The following ANK2 variants were observed in gnomAD, a reference collection of about 807,000 sequenced individuals.
The protein encoded by ANK2 is ankyrin 2.
ANK2 carries 83 observed loss-of-function variants against 360.5 expected under a neutral mutation model. The observed-to-expected ratio is 0.23, with a 90% CI of 0.19 to 0.28. The LOEUF (loss-of-function observed/expected upper bound fraction) is 0.28. Ranked by LOEUF, ANK2 falls within the 10% of genes least tolerant of loss-of-function variation. ANK2 has a pLI of 1.00. For synonymous variants in ANK2, 1,740 were observed against 1,759.5 expected, an observed-to-expected ratio of 0.99 and a Z score of 0.28; for missense variants, 4,201 against 4,795.7, an observed-to-expected ratio of 0.88 and a Z score of 3.66.
chr4:113,381,522 T>TTG lies in ANK2; in HGVS notation c.*52_*53dup, dbSNP rs773932179. 1.9e-6 allele frequency: 3 copies of TTG among 1,613,922 alleles called. No individual in the cohort carries two copies. In the South Asian group the frequency reaches 3.3e-5, roughly 18 times the overall value. Reference sequence around the variant, plus strand: ...GTGAAGGACCAGCATGGAAAACGCATTGACTTGGAGCACCTGGAGGATGTA... The same window carrying TTG: ...GTGAAGGACCAGCATGGAAAACGCATTGTGACTTGGAGCACCTGGAGGATGTA... On this transcript the variant is annotated 3_prime_UTR_variant, in exon 46 of 46. Transcript: ENST00000357077.
At position 113,043,071 on chromosome 4, in the gene ANK2, C is replaced by A. The variant is rs1364982218; in HGVS notation, c.22-131345C>A. Among the ~76,000 whole-genome samples, 25 of 151,994 alleles carry A rather than the reference C, an allele frequency of 1.6e-4. 1 individual carries two copies. The highest frequency in any genetic ancestry group is 1.3e-3 in the Admixed American group (20 of 15,236). ...GTCCAGCATATAGTAGTCAGTGACC[C>A]CCCAAATATCTGTTGGATGAATAAA... On this transcript the variant is annotated intron_variant, in intron 2 of 30. Coordinates refer to the ANK2 transcript ENST00000503271.
At chr4:113,224,876 G>GTTTTTTTTTTT (rs11325379) in intron 4 of ANK2, among the ~76,000 whole-genome samples, 1 of 133,244 alleles carries the variant, frequency 7.5e-6, no homozygotes. Context: ...GATCTTTGAA[G>GTTTTTTTTTTT]TTTTTTTTTT....
In ANK2 at chr4:113,035,884, G is replaced by A. The variant is rs112903450; in HGVS notation, c.21+131370G>A. Among the ~76,000 whole-genome samples, 874 of 151,998 alleles carry A rather than the reference G, an allele frequency of 5.8e-3. 11 individuals carry two copies. Among genetic ancestry groups the A allele is most frequent in the African/African-American group, 0.02 (828 of 41,510 alleles). On this transcript the variant is annotated intron_variant, in intron 2 of 30. Coordinates refer to the ANK2 transcript ENST00000503271. ...AGAGGAGAGGGAAAAGTTAATAGAC[G>A]TTCAAACATAGATTTTAAAATTTTC...
intron 14 of ANK2, among the ~76,000 whole-genome samples, chr4:113,272,632 T>A (rs997418184): frequency 1.3e-5 from 2 of 152,110 alleles, no homozygotes; most frequent in South Asian, 4.1e-4. Flanking sequence ...CTTTTTTTTT[T>A]AAAGAAGAAC....
chr4:113,121,520 C>G (rs546142256), intron 1 of ANK2, among the ~76,000 whole-genome samples: 1 of 152,090 alleles, frequency 6.6e-6, no homozygotes, highest in Admixed American at 6.6e-5. Flanking sequence ...CAAAATTGCA[C>G]CAAAATATTT....
chr4:113,190,453 A>G (rs929304975), intron 2 of ANK2, among the ~76,000 whole-genome samples: 1 of 151,650 alleles, frequency 6.6e-6, no homozygotes, highest in African/African-American at 2.4e-5. Context: ...ATTTGACACC[A>G]TAACATTCTA....
chr4:112,730,305 A>G, the ANK2 span, among the ~76,000 whole-genome samples: 1 of 150,038 alleles, frequency 6.7e-6, no homozygotes. Context: ...CCTATTGAAC[A>G]TCATGGTGAA....
intron 2 of ANK2, among the ~76,000 whole-genome samples, chr4:112,968,466 G>A (rs902698129): frequency 7.2e-5 from 11 of 152,184 alleles, no homozygotes; most frequent in African/African-American, 2.4e-4. Context: ...GGAACTCTGG[G>A]CCAGATTTTT....
chr4:113,171,621 A>G (rs1281904368), intron 1 of ANK2, among the ~76,000 whole-genome samples: 2 of 152,234 alleles, frequency 1.3e-5, no homozygotes, highest in African/African-American at 4.8e-5. Flanking sequence ...GGTCTTTGGC[A>G]GAATGGCTCA....
chr4:113,025,091 A>G (rs2058986379), intron 2 of ANK2, among the ~76,000 whole-genome samples: 1 of 151,946 alleles, frequency 6.6e-6, no homozygotes, highest in African/African-American at 2.4e-5. Flanking sequence ...TAATTCTTAC[A>G]TCCATAATTC....
intron 2 of ANK2, among the ~76,000 whole-genome samples, chr4:112,906,314 G>A (rs1001075197): frequency 6.6e-6 from 1 of 152,170 alleles, no homozygotes; most frequent in Non-Finnish European, 1.5e-5. Flanking sequence ...TAGAGAAGCA[G>A]GGGTAGAAAC....
At chr4:112,788,011 A>G in the ANK2 span, 1 of 760,050 alleles carries the variant, frequency 1.3e-6, no homozygotes, top group African/African-American at 1.7e-5. Flanking sequence ...TGTATTACCC[A>G]ATGTATTTCT....
the ANK2 span, among the ~76,000 whole-genome samples, chr4:112,728,292 CAAAAAAAAAA>C: frequency 4.5e-4 from 18 of 40,128 alleles, no homozygotes; most frequent in East Asian, 2.1e-3. Context: ...GACTCTGTCT[CAAAAAAAAAA>C]AAAAAAAAAA....
intron 45 of ANK2, among the ~76,000 whole-genome samples, chr4:113,375,148 C>T (rs2096879960): frequency 6.6e-6 from 1 of 152,194 alleles, no homozygotes; most frequent in Non-Finnish European, 1.5e-5. Flanking sequence ...GTCACCTTAA[C>T]AGCTTTTAAA....
At chr4:112,813,610 A>G (rs1376072971), upstream of ANK2, among the ~76,000 whole-genome samples, 1 of 152,066 alleles carries the variant, frequency 6.6e-6, no homozygotes, top group Non-Finnish European at 1.5e-5. Context: ...ATCATGGCTC[A>G]CTGCAGCCTC....
chr4:112,931,291 G>A (rs2093195801), intron 2 of ANK2, among the ~76,000 whole-genome samples: 1 of 151,924 alleles, frequency 6.6e-6, no homozygotes, highest in Non-Finnish European at 1.5e-5. Context: ...GAAAAACTGA[G>A]GTCTTCTTCT....
At chr4:113,293,929 G>A (rs1242286647) in intron 22 of ANK2, among the ~76,000 whole-genome samples, 3 of 152,136 alleles carry the variant, frequency 2.0e-5, no homozygotes, top group African/African-American at 7.2e-5. Flanking sequence ...CCAGCCTCTG[G>A]AAAGACCCTG....
intron 1 of ANK2, among the ~76,000 whole-genome samples, chr4:112,869,197 G>A (rs1017066956): frequency 2.0e-5 from 3 of 152,104 alleles, no homozygotes; most frequent in African/African-American, 7.2e-5. Flanking sequence ...CAAACTCCTG[G>A]CCCTAAGTGA....
intron 1 of ANK2, among the ~76,000 whole-genome samples, chr4:112,828,232 C>CTTTTTTTT (rs751771907): frequency 1.8e-5 from 2 of 109,572 alleles, no homozygotes; most frequent in African/African-American, 7.1e-5. Context: ...GAATTACGGA[C>CTTTTTTTT]TTTTTTTTTT....
Sources: allele counts gnomAD v4.1 joint callset (sites outside exome capture counted in the v4.1 genomes callset), GRCh38; gene constraint gnomAD v4.1.1; transcripts MANE v1.5; gene names NCBI Gene and HGNC (gene_info 2026-07-23, HGNC 2026-07-21).